KCNH7: variants seen among roughly 807,000 people sequenced by gnomAD.
The protein encoded by KCNH7 is potassium voltage-gated channel subfamily H member 7.
Under a neutral mutation model 120.8 loss-of-function variants are expected in KCNH7, and 49 were observed. The ratio of observed to expected loss-of-function variants is 0.41; its 90% CI spans 0.32 to 0.51. The LOEUF (loss-of-function observed/expected upper bound fraction) is 0.51, where lower values mean the gene tolerates loss of function less well. Among genes scored for constraint, KCNH7 ranks in the 20% least tolerant of loss-of-function variants. The pLI, the probability that KCNH7 is intolerant of heterozygous loss-of-function variation, is 0.38. For synonymous variants in KCNH7, 547 were observed against 516.1 expected (o/e 1.06, Z -0.81); for missense variants, 1,097 against 1,446.6 (o/e 0.76, Z 3.92).
chr2:162,795,377 A>G (rs921723382), intron 2 of KCNH7: 1 of 151,536 alleles, frequency 6.6e-6, no homozygotes, highest in Non-Finnish European at 1.5e-5. Flanking sequence ...TGGTGTTCAA[A>G]TTTTTTTTTC....
At chr2:162,671,681 C>T (rs1292496350) in intron 2 of KCNH7, among the ~76,000 whole-genome samples, 2 of 151,662 alleles carry the variant, frequency 1.3e-5, no homozygotes, top group African/African-American at 4.8e-5. Context: ...ATCTATGTAA[C>T]ATAACTGCAT....
intron 2 of KCNH7, among the ~76,000 whole-genome samples, chr2:162,645,533 G>A (rs961737853): frequency 1.3e-5 from 2 of 152,088 alleles, no homozygotes; most frequent in Non-Finnish European, 2.9e-5. Flanking sequence ...TTTAGAATGT[G>A]TTGAACTCTT....
intron 6 of KCNH7, among the ~76,000 whole-genome samples, chr2:162,448,429 A>C (rs1005836884): frequency 1.3e-5 from 2 of 152,074 alleles, no homozygotes; most frequent in African/African-American, 2.4e-5. Flanking sequence ...CTTCCATTAG[A>C]TTCCTGTGTA....
intron 2 of KCNH7, among the ~76,000 whole-genome samples, chr2:162,620,063 G>C (rs1268081148): frequency 6.6e-6 from 1 of 151,014 alleles, no homozygotes; most frequent in African/African-American, 2.4e-5. Context: ...ATATGTTTGA[G>C]AGAGAGAATA....
intron 6 of KCNH7, among the ~76,000 whole-genome samples, chr2:162,470,100 C>A (rs371212769): frequency 2.6e-5 from 4 of 152,294 alleles, no homozygotes; most frequent in East Asian, 1.9e-4. Context: ...CCCAAAGTGC[C>A]GAGATTGCAG....
At chr2:162,682,632 C>T (rs912032484) in intron 2 of KCNH7, among the ~76,000 whole-genome samples, 1 of 151,834 alleles carries the variant, frequency 6.6e-6, no homozygotes, top group African/African-American at 2.4e-5. Flanking sequence ...CAAATGTTAT[C>T]CATGGTTATT....
At chr2:162,685,619 G>A (rs1342966606) in intron 2 of KCNH7, among the ~76,000 whole-genome samples, 1 of 151,818 alleles carries the variant, frequency 6.6e-6, no homozygotes, top group Non-Finnish European at 1.5e-5. Flanking sequence ...GTAGAGTTCT[G>A]AAAACTGAAG....
intron 12 of KCNH7, among the ~76,000 whole-genome samples, chr2:162,386,531 A>G (rs1344369676): frequency 2.0e-5 from 3 of 151,844 alleles, no homozygotes; most frequent in Non-Finnish European, 2.9e-5. Context: ...CTTCCTAAGT[A>G]AACCTTCTTG....
At chr2:162,723,530 T>C (rs1396302730) in intron 2 of KCNH7, among the ~76,000 whole-genome samples, 2 of 152,204 alleles carry the variant, frequency 1.3e-5, no homozygotes, top group East Asian at 1.9e-4. Context: ...GGGGCTACCA[T>C]ATTATTTTTG....
At position 162,390,958 on chromosome 2, in the gene KCNH7, G is replaced by A. The variant is rs554936856; in HGVS notation, c.2710+3431C>T. 2.0e-3 allele frequency among the ~76,000 whole-genome samples: 301 copies of A among 152,042 alleles called. 6 individuals are homozygous for A. In the Middle Eastern group the frequency reaches 0.031, roughly 15 times the overall value. On this transcript the variant is annotated intron_variant, in intron 12 of 15. Transcript: ENST00000332142. Reference sequence around the variant, plus strand: ...AATGTGAGCTCTTTAGAACCTTGTGGGAGGCATAATTGGAAGCGGAGTGGC... The same window carrying A: ...AATGTGAGCTCTTTAGAACCTTGTGAGAGGCATAATTGGAAGCGGAGTGGC...
intron 3 of KCNH7, among the ~76,000 whole-genome samples, chr2:162,520,388 T>G (rs904532485): frequency 2.6e-5 from 4 of 151,720 alleles, no homozygotes; most frequent in African/African-American, 9.7e-5. Context: ...TTCACATAAT[T>G]TCTTGCAAGA....
At chr2:162,624,611 G>A (rs1436017006) in intron 2 of KCNH7, among the ~76,000 whole-genome samples, 1 of 152,016 alleles carries the variant, frequency 6.6e-6, no homozygotes, top group African/African-American at 2.4e-5. Flanking sequence ...ATTCAAATTA[G>A]TATTCCAAAA....
intron 2 of KCNH7, among the ~76,000 whole-genome samples, chr2:162,649,538 T>C (rs908345712): frequency 6.6e-6 from 1 of 152,186 alleles, no homozygotes; most frequent in Non-Finnish European, 1.5e-5. Context: ...GCATGTGTTT[T>C]CTTGTTCTGT....
chr2:162,505,629 G>A (rs1057450284), intron 5 of KCNH7, among the ~76,000 whole-genome samples: 4 of 151,856 alleles, frequency 2.6e-5, no homozygotes, highest in Non-Finnish European at 4.4e-5. Context: ...GAAGTATCTC[G>A]TGTAATGAGC....
intron 3 of KCNH7, among the ~76,000 whole-genome samples, chr2:162,534,797 C>T (rs1692051192): frequency 6.6e-6 from 1 of 151,550 alleles, no homozygotes; most frequent in South Asian, 2.1e-4. Flanking sequence ...GAAAATTGCA[C>T]ATATGCAGGC....
chr2:162,767,762 A>T (rs1438811471), intron 2 of KCNH7, among the ~76,000 whole-genome samples: 1 of 152,108 alleles, frequency 6.6e-6, no homozygotes. Flanking sequence ...AGTCTTTTTA[A>T]TGAAAGTATT....
At chr2:162,829,858 T>C (rs1169780350) in intron 2 of KCNH7, among the ~76,000 whole-genome samples, 20 of 151,458 alleles carry the variant, frequency 1.3e-4, no homozygotes, top group Admixed American at 1.2e-3. Context: ...TGTTTTTTTT[T>C]TTTTTCTAAC....
intron 7 of KCNH7, 146 bp from the exon 8 acceptor site, chr2:162,435,743 C>CTT: frequency 2.0e-5 from 13 of 647,660 alleles, no homozygotes; most frequent in Non-Finnish European, 3.1e-5. Context: ...AAACTTGGTT[C>CTT]TTTTTTTTTT....
chr2:162,435,397 G>A lies in KCNH7; in HGVS notation c.1755C>T (p.Ile585=). The A allele has an allele frequency of 6.2e-7, 1 of 1,613,768 alleles. No individual in the cohort carries two copies. The highest frequency in any genetic ancestry group is 8.5e-7 in the Non-Finnish European group (1 of 1,179,844). ...GCTGTCCTAAGGAATCCAACCATCC[G>A]ATTTTGTCAGTCAGGTAAGGCCTTT... ...NVERPYLTDK[I]GWLDSLGQQI... is the part of the protein sequence containing the mutation. Residue 585 remains isoleucine (I), a synonymous_variant, in exon 8 of 16, where the codon ATC becomes ATT. Transcript: ENST00000332142.
Sources: gnomAD v4.1 joint callset for allele counts (sites outside exome capture counted in the v4.1 genomes callset) on GRCh38, gnomAD v4.1.1 for gene constraint, MANE v1.5 for transcripts, NCBI Gene and HGNC (gene_info 2026-07-23, HGNC 2026-07-21) for gene names.